The following KIF9 variants were observed in gnomAD, a reference collection of about 807,000 sequenced individuals.
KIF9 encodes the protein kinesin-like protein KIF9.
A neutral mutation model predicts 94.8 loss-of-function variants in KIF9; 68 were observed. That is an observed-to-expected ratio of 0.72 (90% confidence interval 0.59 to 0.88). KIF9 has a LOEUF of 0.88. Among genes scored for constraint, KIF9 ranks in the 40% least tolerant of loss-of-function variants. The pLI is 0.00. For synonymous variants in KIF9, 343 were observed against 362.1 expected (o/e 0.95, Z 0.60); for missense variants, 882 against 982.5 (o/e 0.90, Z 1.37).
chr3:47,268,696 C>CCT (rs754032660), intron 5 of KIF9, among the ~76,000 whole-genome samples: 29 of 151,892 alleles, frequency 1.9e-4, no homozygotes, highest in Non-Finnish European at 3.4e-4. Flanking sequence ...GATCCTCCTA[C>CCT]CTCAGCCTCC....
chr3:47,281,894 C>A (rs1454219720), intron 1 of KIF9, among the ~76,000 whole-genome samples: 1 of 152,208 alleles, frequency 6.6e-6, no homozygotes, highest in African/African-American at 2.4e-5. Flanking sequence ...TCCCTATCTT[C>A]CAGTGCTCCC....
At chr3:47,229,765 G>A (rs1559412038) in intron 20 of KIF9, among the ~76,000 whole-genome samples, 1 of 150,266 alleles carries the variant, frequency 6.7e-6, no homozygotes, top group Non-Finnish European at 1.5e-5. Context: ...ATGGAGTCTC[G>A]CTCTGTCACC....
intron 9 of KIF9, 21 bp from the exon 10 acceptor site, chr3:47,257,581 A>T (rs374673156): frequency 7.5e-6 from 12 of 1,608,650 alleles, no homozygotes; most frequent in Non-Finnish European, 8.5e-6. Context: ...GAGCAGGTAG[A>T]CATTAGATGG....
intron 10 of KIF9, among the ~76,000 whole-genome samples, chr3:47,255,599 C>G (rs1357830284): frequency 6.6e-6 from 1 of 152,222 alleles, no homozygotes; most frequent in Non-Finnish European, 1.5e-5. Context: ...GCATCAGAAT[C>G]ACCTGACTGA....
intron 14 of KIF9, 166 bp from the exon 15 acceptor site, chr3:47,245,090 C>T: frequency 2.4e-6 from 2 of 831,860 alleles, no homozygotes; most frequent in Non-Finnish European, 1.8e-6. Context: ...TAGAGCGGTC[C>T]CTGACCACTC....
Position 47,282,759 on chromosome 3 carries a change from G to T in KIF9, c.-270C>A. 1 of 1,427,464 alleles carries T rather than the reference G, an allele frequency of 7.0e-7. No individual in the cohort carries two copies. The highest frequency in any genetic ancestry group is 1.4e-5 in the African/African-American group (1 of 69,388). The allele number at this position is 1,427,464 out of a possible 1,614,324, so 88.4% of individuals were successfully genotyped here. A position where few individuals can be genotyped will look rare whatever the true frequency, so the allele number is the denominator to read the frequency against. ...CGGATGCACATGCGAAGTCAAGGTC[G>T]AGATAGCGAGGGAACGAAGGCCGCA... On this transcript the variant is annotated 5_prime_UTR_variant, in exon 1 of 21. An upstream open reading frame in the 5' UTR gains an earlier in-frame stop. Transcript: ENST00000684063.
Position 47,277,349 on chromosome 3 carries a change from G to C in KIF9, c.26C>G (p.Ala9Gly). The C allele has an allele frequency of 6.2e-7, 1 of 1,613,788 alleles. No homozygotes were observed. Among genetic ancestry groups the C allele is most frequent in the African/African-American group, 1.3e-5 (1 of 75,024 alleles). The stretch of plus-strand genomic sequence containing the variant: ...ATCGGTGGGTTTGACACGGACAAAT[G>C]CATGAACTTTTTTCCTAGTACCCAT... MGTRKKVH[A>G]FVRVKPTDDF... The change falls in exon 2 of 21, where the codon GCA (alanine) becomes GGA (glycine). Residue 9 changes from alanine (A) to glycine (G), a missense_variant. Physicochemically the swap from Ala to Gly is moderately conservative, Grantham distance 60. Coordinates refer to ENST00000684063, the MANE Select transcript of KIF9 (RefSeq NM_182902.4).
chr3:47,265,119 C>A (rs892011928), intron 8 of KIF9, among the ~76,000 whole-genome samples: 2 of 152,158 alleles, frequency 1.3e-5, no homozygotes, highest in African/African-American at 4.8e-5. Flanking sequence ...AGAGGACACA[C>A]ACATCTGTGA....
intron 5 of KIF9, among the ~76,000 whole-genome samples, chr3:47,268,086 GT>G (rs1393583426): frequency 6.6e-6 from 1 of 151,850 alleles, no homozygotes; most frequent in Non-Finnish European, 1.5e-5. Context: ...GCCCAGGCTG[GT>G]CTGGAACTTA....
rs972773987 is a variant in KIF9 at position 47,228,828 on chromosome 3, T to C, written c.2323-126A>G. On this transcript the variant is annotated intron_variant, in intron 20 of 20. Transcript: ENST00000684063. Reference sequence around the variant, plus strand: ...AAACATCATGGGTTGTGGACAAGGATTCCTTCTGAGTAGCCCCAATTCTCT... The same window carrying C: ...AAACATCATGGGTTGTGGACAAGGACTCCTTCTGAGTAGCCCCAATTCTCT... The C allele has an allele frequency of 1.2e-5, 9 of 772,266 alleles. No homozygotes were observed. In the African/African-American group the frequency reaches 1.5e-4, roughly 13 times the overall value. 47.8% of individuals were successfully genotyped at this position (772,266 alleles called of 1,614,324 possible).
chr3:47,245,375 G>T, intron 14 of KIF9, 46 bp downstream of exon 14: 1 of 1,412,022 alleles, frequency 7.1e-7, no homozygotes, highest in Non-Finnish European at 1.0e-6. Context: ...GTCTGAGGAT[G>T]GGAAATCTGA....
rs868323463 is a variant in KIF9, at chr3:47,282,337, C to G, written c.-6+158G>C. On this transcript the variant is annotated intron_variant, in intron 1 of 20. Transcript: ENST00000684063. ...GCCGCGGTCAGGTTGAAAGGACTCCCGCGACGTCGAGCCCTCCTTCGCCTG... is the reference window on the plus strand; with the variant it reads ...GCCGCGGTCAGGTTGAAAGGACTCCGGCGACGTCGAGCCCTCCTTCGCCTG... The G allele has an allele frequency of 4.1e-6, 4 of 986,162 alleles. No individual in the cohort carries two copies. In the South Asian group the frequency reaches 1.9e-4, roughly 46 times the overall value. 61.1% of individuals were successfully genotyped at this position (986,162 alleles called of 1,614,324 possible). A position where few individuals can be genotyped will look rare whatever the true frequency, so the allele number is the denominator to read the frequency against.
At chr3:47,261,222 T>C (rs899482843) in intron 9 of KIF9, among the ~76,000 whole-genome samples, 1 of 152,276 alleles carries the variant, frequency 6.6e-6, no homozygotes, top group Admixed American at 6.5e-5. Context: ...AGAGATTATT[T>C]GCAAAATAGG....
Position 47,271,324 on chromosome 3 carries a change from G to A in KIF9, c.504C>T (p.Ile168=), listed in dbSNP as rs141771615. 855 of 1,613,992 alleles carry A rather than the reference G, an allele frequency of 5.3e-4. No homozygotes were observed. The highest frequency in any genetic ancestry group is 6.4e-4 in the Non-Finnish European group (752 of 1,179,960). ...YVGPSVTPMT[I]VENPQGVFIK... The stretch of plus-strand genomic sequence containing the variant: ...TGAAGACTCCTTGAGGGTTTTCCAC[G>A]ATGGTCATTGGTGTGACTGAGGGTC... The change falls in exon 5 of 21, where the codon ATC becomes ATT. Residue 168 remains isoleucine, a synonymous_variant. Transcript: ENST00000684063.
At chr3:47,255,228 C>T (rs183586950) in intron 10 of KIF9, among the ~76,000 whole-genome samples, 4 of 152,326 alleles carry the variant, frequency 2.6e-5, no homozygotes, top group African/African-American at 9.6e-5. Flanking sequence ...ATCAATTACA[C>T]TTTGACCAGA....
chr3:47,262,271 TTTG>T (rs1701025045), intron 9 of KIF9, among the ~76,000 whole-genome samples: 1 of 148,694 alleles, frequency 6.7e-6, no homozygotes, highest in African/African-American at 2.6e-5. Context: ...GCGGGGTTTT[TTTG>T]TTTTTTTTTT....
intron 14 of KIF9, 39 bp from the exon 15 acceptor site, chr3:47,244,963 T>G (rs1166353021): frequency 5.6e-6 from 9 of 1,611,892 alleles, no homozygotes; most frequent in Non-Finnish European, 7.6e-6. Flanking sequence ...TGAGTTAGAT[T>G]AAGGGCTTGG....
At chr3:47,268,584 CTTTT>C (rs560574291) in intron 5 of KIF9, among the ~76,000 whole-genome samples, 1 of 137,288 alleles carries the variant, frequency 7.3e-6, no homozygotes, top group Admixed American at 7.4e-5. Flanking sequence ...TTTTCTTCTT[CTTTT>C]TTTTTTTTTT....
chr3:47,264,306 C>A lies in KIF9; in HGVS notation c.961G>T (p.Ala321Ser). 22 of 1,613,668 alleles carry A rather than the reference C, an allele frequency of 1.4e-5. No homozygotes were observed. The highest frequency in any genetic ancestry group is 1.7e-5 in the Non-Finnish European group (20 of 1,179,570). ...MVLVTNIYGE[A>S]AQLEETLSSL... ...CATACCGTTTCTTCTAACTGGGCAG[C>A]TTCTCCATAGATGTTTGTCACGAGG... The change falls in exon 9 of 21, where the codon GCT becomes TCT. Residue 321 changes from alanine to serine, a missense_variant. Ala to Ser is a moderately conservative substitution (Grantham distance 99). Coordinates refer to ENST00000684063, the MANE Select transcript of KIF9 (RefSeq NM_182902.4).
Sources: allele counts gnomAD v4.1 joint callset (sites outside exome capture counted in the v4.1 genomes callset), GRCh38; gene constraint gnomAD v4.1.1; transcripts MANE v1.5; gene names NCBI Gene and HGNC (gene_info 2026-07-23, HGNC 2026-07-21).